SDC2: variants seen among roughly 807,000 people sequenced by gnomAD.
SDC2 encodes the protein syndecan-2.
In SDC2, 13 loss-of-function variants were observed where a neutral mutation model predicts 22.2. The ratio of observed to expected loss-of-function variants is 0.59; its 90% CI spans 0.38 to 0.93. The LOEUF is 0.93. Among genes scored for constraint, SDC2 ranks in the 40% least tolerant of loss-of-function variants. The pLI is 0.00. For synonymous variants in SDC2, 94 were observed against 92.8 expected (o/e 1.01, Z -0.07); for missense variants, 235 against 246.8 (o/e 0.95, Z 0.32).
rs545464248 is a variant in SDC2 at position 96,539,344 on chromosome 8, C to G, written c.60+45013C>G. ...TTCTTCAAACATTTTTGGGTACTTACATTTTCTTACTGATCTTCTCGACTA... is the reference window on the plus strand; with the variant it reads ...TTCTTCAAACATTTTTGGGTACTTAGATTTTCTTACTGATCTTCTCGACTA... On this transcript the variant is annotated intron_variant, in intron 1 of 4. Coordinates refer to ENST00000302190, the MANE Select transcript of SDC2 (RefSeq NM_002998.4). Among the ~76,000 whole-genome samples, 18 of 152,300 alleles carry G rather than the reference C, an allele frequency of 1.2e-4. No homozygotes were observed. In the South Asian group the frequency reaches 3.5e-3, roughly 30 times the overall value.
chr8:96,536,937 A>G (rs1218267103), intron 1 of SDC2, among the ~76,000 whole-genome samples: 2 of 152,198 alleles, frequency 1.3e-5, no homozygotes, highest in Non-Finnish European at 2.9e-5. Flanking sequence ...CAGGTCCCCC[A>G]TTGAGGAGTT....
chr8:96,580,072 G>T (rs1228781874), intron 1 of SDC2, among the ~76,000 whole-genome samples: 1 of 152,188 alleles, frequency 6.6e-6, no homozygotes, highest in African/African-American at 2.4e-5. Context: ...TCATTCTTTG[G>T]TATGAGCTTT....
chr8:96,527,335 C>G (rs7010145), intron 1 of SDC2, among the ~76,000 whole-genome samples: 59,365 of 152,044 alleles, frequency 0.39, 12,684 homozygotes, highest in Non-Finnish European at 0.49. Context: ...CTGCCCTTAT[C>G]ACTGCTCTTG....
chr8:96,608,248 A>G, intron 3 of SDC2, 87 bp from the exon 4 acceptor site: 1 of 1,364,602 alleles, frequency 7.3e-7, no homozygotes, highest in Non-Finnish European at 1.0e-6. Flanking sequence ...GGGGGAAAAA[A>G]AAATTTTGGA....
chr8:96,511,029 C>T (rs1813319320), intron 1 of SDC2, among the ~76,000 whole-genome samples: 1 of 152,162 alleles, frequency 6.6e-6, no homozygotes. Flanking sequence ...GCAGCATCTA[C>T]AGCTCCTCGG....
intron 1 of SDC2, among the ~76,000 whole-genome samples, chr8:96,519,730 G>C (rs1280161099): frequency 6.6e-6 from 1 of 151,824 alleles, no homozygotes; most frequent in East Asian, 1.9e-4. Context: ...TCTCCTCCCG[G>C]GTTCAAGCGA....
intron 1 of SDC2, among the ~76,000 whole-genome samples, chr8:96,560,904 G>A (rs1249301790): frequency 1.3e-5 from 2 of 152,054 alleles, no homozygotes; most frequent in Non-Finnish European, 2.9e-5. Context: ...TCAGGAGTTC[G>A]AGACCAGCCT....
chr8:96,507,272 G>A (rs1813256901), intron 1 of SDC2, among the ~76,000 whole-genome samples: 1 of 152,100 alleles, frequency 6.6e-6, no homozygotes, highest in African/African-American at 2.4e-5. Flanking sequence ...TTCCTTTTCT[G>A]GCTGCTTCTA....
At chr8:96,497,538 G>A (rs184275584) in intron 1 of SDC2, among the ~76,000 whole-genome samples, 11 of 152,190 alleles carry the variant, frequency 7.2e-5, no homozygotes, top group African/African-American at 1.2e-4. Flanking sequence ...CTTAAATGGC[G>A]CCTTGGATAA....
intron 1 of SDC2, among the ~76,000 whole-genome samples, chr8:96,587,567 A>G (rs180758642): frequency 6.6e-6 from 1 of 152,308 alleles, no homozygotes; most frequent in East Asian, 1.9e-4. Flanking sequence ...ACTAAAAATT[A>G]ATGAATGACA....
At chr8:96,530,468 T>C (rs1242178286) in intron 1 of SDC2, among the ~76,000 whole-genome samples, 2 of 152,106 alleles carry the variant, frequency 1.3e-5, no homozygotes, top group Admixed American at 6.6e-5. Flanking sequence ...ACCCCGTCTC[T>C]ACTAAAAATA....
intron 1 of SDC2, among the ~76,000 whole-genome samples, chr8:96,561,544 A>G (rs1010419516): frequency 6.6e-6 from 1 of 152,200 alleles, no homozygotes; most frequent in Non-Finnish European, 1.5e-5. Context: ...CCAGATGGCT[A>G]TTACTCACAG....
chr8:96,523,155 C>A (rs965469539), intron 1 of SDC2, among the ~76,000 whole-genome samples: 2 of 152,122 alleles, frequency 1.3e-5, no homozygotes, highest in African/African-American at 2.4e-5. Flanking sequence ...TCTTTAAAAT[C>A]TTTTTTCCTT....
At chr8:96,494,437 A>C in intron 1 of SDC2, 106 bp downstream of exon 1, 1 of 1,036,538 alleles carries the variant, frequency 9.6e-7, no homozygotes, top group Non-Finnish European at 1.4e-6. Context: ...CCCAGTCCCC[A>C]AGTATACACC....
intron 1 of SDC2, among the ~76,000 whole-genome samples, chr8:96,517,335 A>G (rs1813416692): frequency 6.6e-6 from 1 of 152,240 alleles, no homozygotes; most frequent in African/African-American, 2.4e-5. Context: ...TTAGATGTTT[A>G]TGAAGTCAAA....
At chr8:96,513,282 C>A (rs1444533159) in intron 1 of SDC2, among the ~76,000 whole-genome samples, 1 of 152,176 alleles carries the variant, frequency 6.6e-6, no homozygotes, top group Admixed American at 6.5e-5. Flanking sequence ...TTGCCCAGAA[C>A]TTTGTGTATT....
At chr8:96,568,507 G>A (rs1814337331) in intron 1 of SDC2, among the ~76,000 whole-genome samples, 1 of 152,216 alleles carries the variant, frequency 6.6e-6, no homozygotes, top group Non-Finnish European at 1.5e-5. Context: ...GATGTATGTG[G>A]TCAAAGAGGT....
chr8:96,527,489 C>T (rs1010213898), intron 1 of SDC2, among the ~76,000 whole-genome samples: 4 of 152,172 alleles, frequency 2.6e-5, no homozygotes, highest in African/African-American at 7.2e-5. Context: ...ACTTACATGC[C>T]CGTCAGTGGC....
At chr8:96,582,706 C>G (rs770947449) in intron 1 of SDC2, among the ~76,000 whole-genome samples, 12 of 152,300 alleles carry the variant, frequency 7.9e-5, no homozygotes, top group Non-Finnish European at 1.6e-4. Flanking sequence ...AAACCAGGAG[C>G]AGTATGGAAC....
Sources: allele counts gnomAD v4.1 joint callset (sites outside exome capture counted in the v4.1 genomes callset), GRCh38; gene constraint gnomAD v4.1.1; transcripts MANE v1.5; gene names NCBI Gene and HGNC (gene_info 2026-07-23, HGNC 2026-07-21).